Variants in RABEPK observed in about 807,000 individuals in gnomAD.
The protein encoded by RABEPK is Rab9 effector protein with kelch motifs, also known as 40 kDa Rab9 effector protein.
In RABEPK, 27 loss-of-function variants were observed where a neutral mutation model predicts 34.1. The ratio of observed to expected loss-of-function variants is 0.79; its 90% CI spans 0.58 to 1.09. RABEPK has a LOEUF of 1.09. Ranked by LOEUF, RABEPK falls within the 50% of genes least tolerant of loss-of-function variation. The pLI, the probability that RABEPK is intolerant of heterozygous loss-of-function variation, is 0.00. For synonymous variants in RABEPK, 172 were observed against 169.2 expected, an observed-to-expected ratio of 1.02 and a Z score of -0.13; for missense variants, 449 against 462.6, an observed-to-expected ratio of 0.97 and a Z score of 0.27.
At chr9:125,228,084 T>G in intron 6 of RABEPK, 25 bp downstream of exon 6, 2 of 1,374,584 alleles carry the variant, frequency 1.5e-6, no homozygotes, top group South Asian at 1.8e-5. Context: ...GGGGCTTGTC[T>G]GTTTAAAATT....
chr9:125,228,069 G>A lies in RABEPK; in HGVS notation c.676+10G>A. The A allele has an allele frequency of 6.7e-7, 1 of 1,488,598 alleles. No individual in the cohort carries two copies. The highest frequency in any genetic ancestry group is 9.0e-7 in the Non-Finnish European group (1 of 1,112,554). 92.2% of individuals were successfully genotyped at this position (1,488,598 alleles called of 1,614,324 possible). On this transcript the variant is annotated intron_variant, in intron 6 of 7. Coordinates refer to ENST00000373538, the MANE Select transcript of RABEPK (RefSeq NM_005833.4). ...CACTGCATTGATATAAGTAAGCAGG[G>A]CATGGGGGCTTGTCTGTTTAAAATT... is the stretch of plus-strand genomic sequence containing the variant.
At chr9:125,230,121 A>G (rs1280354585) in intron 6 of RABEPK, among the ~76,000 whole-genome samples, 1 of 151,856 alleles carries the variant, frequency 6.6e-6, no homozygotes, top group Non-Finnish European at 1.5e-5. Context: ...GTGCTACAAC[A>G]CCCAGATAAT....
intron 3 of RABEPK, among the ~76,000 whole-genome samples, chr9:125,210,274 G>A (rs185233059): frequency 2.7e-5 from 4 of 150,790 alleles, no homozygotes; most frequent in Non-Finnish European, 1.5e-5. Flanking sequence ...GTGGTGGCGG[G>A]CACCTATAGT....
intron 2 of RABEPK, among the ~76,000 whole-genome samples, chr9:125,206,944 C>T (rs1830260697): frequency 6.6e-6 from 1 of 151,998 alleles, no homozygotes; most frequent in South Asian, 2.1e-4. Context: ...ATAAAATTAG[C>T]CAGGTGTGGT....
In RABEPK at chr9:125,203,021, A is replaced by G; in HGVS notation, c.8A>G (p.Gln3Arg). 1 of 1,613,780 alleles carries G rather than the reference A, an allele frequency of 6.2e-7. No individual in the cohort carries two copies. Among genetic ancestry groups the G allele is most frequent in the Non-Finnish European group, 8.5e-7 (1 of 1,179,774 alleles). Reference protein sequence around the residue: MKQLPVLEPGDKP... With the variant: MKRLPVLEPGDKP... Reference sequence around the variant, plus strand: ...TCTTATGCATAGGACACCATGAAGCAACTGCCAGTCTTGGAACCTGGAGAC... The same window carrying G: ...TCTTATGCATAGGACACCATGAAGCGACTGCCAGTCTTGGAACCTGGAGAC... Residue 3 changes from glutamine to arginine, a missense_variant, in exon 2 of 8, where the codon CAA (glutamine) becomes CGA (arginine). Coordinates refer to ENST00000373538, the MANE Select transcript of RABEPK (RefSeq NM_005833.4).
chr9:125,229,166 A>G (rs1045139203), intron 6 of RABEPK, among the ~76,000 whole-genome samples: 11 of 152,054 alleles, frequency 7.2e-5, no homozygotes, highest in African/African-American at 2.2e-4. Context: ...AGGCAGGAGA[A>G]TTGCTTGAGC....
At chr9:125,206,387 A>G (rs888018524) in intron 2 of RABEPK, among the ~76,000 whole-genome samples, 2 of 151,988 alleles carry the variant, frequency 1.3e-5, no homozygotes, top group Non-Finnish European at 1.5e-5. Context: ...AGTCCCAGCT[A>G]CTCGGGAGGC....
At chr9:125,233,388 T>A (rs907186408) in intron 7 of RABEPK, among the ~76,000 whole-genome samples, 13 of 147,038 alleles carry the variant, frequency 8.8e-5, no homozygotes, top group Admixed American at 2.8e-4. Flanking sequence ...GCCCAGGCTG[T>A]AGTGCGGTGA....
intron 6 of RABEPK, among the ~76,000 whole-genome samples, chr9:125,230,355 G>GCTAC (rs1564198728): frequency 6.6e-6 from 1 of 152,114 alleles, no homozygotes; most frequent in Non-Finnish European, 1.5e-5. Context: ...GAAGGCATGG[G>GCTAC]AAGTCCTGTG....
At chr9:125,205,362 C>CT (rs1830160279) in intron 2 of RABEPK, among the ~76,000 whole-genome samples, 1 of 151,996 alleles carries the variant, frequency 6.6e-6, no homozygotes, top group African/African-American at 2.4e-5. Context: ...AAGGCAGGGA[C>CT]TTTTTTTTGT....
chr9:125,221,686 T>G (rs1003565920), intron 5 of RABEPK: 3 of 150,838 alleles, frequency 2.0e-5, no homozygotes, highest in Non-Finnish European at 4.4e-5. Flanking sequence ...TTTTCTTTTT[T>G]TTTTTTTGAG....
In RABEPK at chr9:125,200,565, T is replaced by G. The variant is rs1350223904; in HGVS notation, c.-348T>G. ...GTGGAGTCACGGCTCGCGACTGGCC[T>G]AAGTCGCCGCAGGTATTGCAGTCCG... On this transcript the variant is annotated 5_prime_UTR_variant, in exon 1 of 8. Transcript: ENST00000373538. 5.0e-6 allele frequency: 2 copies of G among 403,324 alleles called. No individual in the cohort carries two copies. The highest frequency in any genetic ancestry group is 5.2e-6 in the Non-Finnish European group (1 of 191,592). 25.0% of individuals were successfully genotyped at this position (403,324 alleles called of 1,614,324 possible). A position where few individuals can be genotyped will look rare whatever the true frequency, so the allele number is the denominator to read the frequency against.
chr9:125,224,341 C>T (rs143264251), intron 5 of RABEPK, among the ~76,000 whole-genome samples: 4 of 151,830 alleles, frequency 2.6e-5, no homozygotes, highest in East Asian at 1.9e-4. Context: ...TGTAGTAAAA[C>T]GTAATAATCA....
intron 3 of RABEPK, among the ~76,000 whole-genome samples, chr9:125,211,050 C>T (rs1397398510): frequency 4.7e-5 from 7 of 149,918 alleles, no homozygotes; most frequent in South Asian, 2.1e-4. Flanking sequence ...CTGGCTAACA[C>T]GGTGAAAACC....
chr9:125,216,922 G>A (rs1830966560), intron 4 of RABEPK, among the ~76,000 whole-genome samples: 2 of 150,682 alleles, frequency 1.3e-5, no homozygotes, highest in South Asian at 2.1e-4. Context: ...AGCCGAGATC[G>A]CGCCACTGCA....
At chr9:125,231,533 T>C (rs936524505) in intron 6 of RABEPK, among the ~76,000 whole-genome samples, 15 of 152,056 alleles carry the variant, frequency 9.9e-5, no homozygotes, top group Non-Finnish European at 1.8e-4. Flanking sequence ...CACCAGGCCA[T>C]GGCTCCCGCC....
chr9:125,220,879 T>C (rs1296048161), intron 5 of RABEPK, 179 bp downstream of exon 5: 4 of 808,698 alleles, frequency 4.9e-6, no homozygotes, highest in Non-Finnish European at 5.4e-6. Context: ...TAAAAAGGGA[T>C]AGTGAGGCCT....
At chr9:125,211,228 C>T (rs556632905) in intron 3 of RABEPK, among the ~76,000 whole-genome samples, 3 of 151,080 alleles carry the variant, frequency 2.0e-5, no homozygotes, top group East Asian at 2.0e-4. Context: ...TAGGGCGAGA[C>T]GCCATCTCAA....
Position 125,207,346 on chromosome 9 carries a change from T to C in RABEPK, c.54-218T>C, listed in dbSNP as rs144335523. 2.0e-5 allele frequency among the ~76,000 whole-genome samples: 3 copies of C among 152,268 alleles called. No homozygotes were observed. The East Asian group carries it at 5.8e-4, about 29-fold the overall frequency. On this transcript the variant is annotated intron_variant, in intron 2 of 7. Coordinates refer to ENST00000373538, the MANE Select transcript of RABEPK (RefSeq NM_005833.4). ...TAAGCCCAGTGCATTCCTACCAGAT[T>C]ACTGTGAGATGAAGACAGTGACAAA...
Sources: allele counts gnomAD v4.1 joint callset (sites outside exome capture counted in the v4.1 genomes callset), GRCh38; gene constraint gnomAD v4.1.1; transcripts MANE v1.5; gene names NCBI Gene and HGNC (gene_info 2026-07-23, HGNC 2026-07-21).